Variants in RBFOX1 observed in about 807,000 individuals in gnomAD.
The protein encoded by RBFOX1 is RNA binding protein fox-1 homolog 1.
In RBFOX1, 8 loss-of-function variants were observed where a neutral mutation model predicts 57.7. That is an observed-to-expected ratio of 0.14 (90% CI 0.08 to 0.25). The LOEUF is 0.25. Ranked by LOEUF, RBFOX1 falls within the 10% of genes least tolerant of loss-of-function variation. The probability of loss-of-function intolerance (pLI) is 1.00; values close to 1 mark genes in which losing one functional copy is unlikely to be tolerated. For missense variants in RBFOX1, 611 were observed against 548.5 expected, an observed-to-expected ratio of 1.11 and a Z score of -1.14; for synonymous variants, 326 against 222.4, an observed-to-expected ratio of 1.47 and a Z score of -4.15.
At chr16:5,304,674 C>G (rs951196506) in intron 1 of RBFOX1, among the ~76,000 whole-genome samples, 4 of 152,142 alleles carry the variant, frequency 2.6e-5, no homozygotes, top group Admixed American at 2.0e-4. Context: ...GTTCATAGAG[C>G]TCATGGGCTA....
At chr16:5,651,500 C>T (rs1596592589) in intron 3 of RBFOX1, among the ~76,000 whole-genome samples, 2 of 152,284 alleles carry the variant, frequency 1.3e-5, no homozygotes, top group South Asian at 4.2e-4. Context: ...GACCAAAGCA[C>T]AGGTTGCCTT....
At chr16:5,497,955 G>A (rs527340252) in intron 2 of RBFOX1, among the ~76,000 whole-genome samples, 1 of 152,086 alleles carries the variant, frequency 6.6e-6, no homozygotes, top group African/African-American at 2.4e-5. Context: ...AGAGATGGGG[G>A]AAAGAAAATT....
chr16:6,834,975 C>G (rs1242075024), intron 3 of RBFOX1, among the ~76,000 whole-genome samples: 1 of 148,908 alleles, frequency 6.7e-6, no homozygotes, highest in Admixed American at 6.8e-5. Context: ...TCACTGTAAG[C>G]TTCATCTCCC....
At chr16:6,517,094 C>T (rs892989075) in intron 2 of RBFOX1, among the ~76,000 whole-genome samples, 2 of 152,148 alleles carry the variant, frequency 1.3e-5, no homozygotes, top group Non-Finnish European at 1.5e-5. Flanking sequence ...AAGGTTGTGA[C>T]ACAGGATGAC....
intron 1 of RBFOX1, among the ~76,000 whole-genome samples, chr16:6,204,682 G>A (rs1388122446): frequency 6.6e-6 from 1 of 152,132 alleles, no homozygotes; most frequent in African/African-American, 2.4e-5. Context: ...GTAAAGAAAA[G>A]CTGATCAAAT....
At chr16:5,858,173 C>G (rs535629633) in intron 3 of RBFOX1, among the ~76,000 whole-genome samples, 1 of 152,182 alleles carries the variant, frequency 6.6e-6, no homozygotes, top group African/African-American at 2.4e-5. Context: ...CAGAAAGTAA[C>G]CAGGGGCTCT....
Position 7,569,922 on chromosome 16 carries a change from A to T in RBFOX1, c.271-9855A>T, listed in dbSNP as rs182864272. Among the ~76,000 whole-genome samples, 3 of 150,598 alleles carry T rather than the reference A, an allele frequency of 2.0e-5. No individual in the cohort carries two copies. In the East Asian group the frequency reaches 5.8e-4, roughly 29 times the overall value. On this transcript the variant is annotated intron_variant, in intron 5 of 15. Coordinates refer to ENST00000550418, the MANE Select transcript of RBFOX1 (RefSeq NM_018723.4). The stretch of plus-strand genomic sequence containing the variant: ...TTGATTTAACTTCAATTTGAATGTA[A>T]GTACTGATACTTGATTGTTATTAGT...
At chr16:7,086,152 A>T (rs532546872) in intron 4 of RBFOX1, among the ~76,000 whole-genome samples, 2 of 152,292 alleles carry the variant, frequency 1.3e-5, no homozygotes, top group African/African-American at 4.8e-5. Flanking sequence ...CTATTTTAAC[A>T]GGTTACTCGC....
At chr16:5,905,884 T>C (rs1199840292) in intron 4 of RBFOX1, among the ~76,000 whole-genome samples, 1 of 152,174 alleles carries the variant, frequency 6.6e-6, no homozygotes, top group Non-Finnish European at 1.5e-5. Context: ...AATTTCCCTC[T>C]TTAGAATTCA....
intron 4 of RBFOX1, among the ~76,000 whole-genome samples, chr16:5,997,516 G>A (rs2060511767): frequency 6.6e-6 from 1 of 152,208 alleles, no homozygotes; most frequent in South Asian, 2.1e-4. Context: ...GCACACACCT[G>A]TACTTTATCT....
chr16:7,688,558 G>C (rs371346440), intron 14 of RBFOX1, among the ~76,000 whole-genome samples: 14 of 151,984 alleles, frequency 9.2e-5, no homozygotes, highest in African/African-American at 3.4e-4. Context: ...TTAACTCTGA[G>C]AATTCAGCTG....
chr16:5,974,302 A>G (rs2060019005), intron 4 of RBFOX1, among the ~76,000 whole-genome samples: 1 of 152,192 alleles, frequency 6.6e-6, no homozygotes, highest in Non-Finnish European at 1.5e-5. Flanking sequence ...CAAAGAGAGA[A>G]ACATACCTGA....
At chr16:5,729,407 T>C (rs1448702242) in intron 3 of RBFOX1, among the ~76,000 whole-genome samples, 3 of 150,486 alleles carry the variant, frequency 2.0e-5, no homozygotes, top group Admixed American at 6.6e-5. Context: ...TTTTTTTTTT[T>C]TTTTTTTTGC....
chr16:7,275,474 T>C (rs1408663724), intron 4 of RBFOX1, among the ~76,000 whole-genome samples: 2 of 152,230 alleles, frequency 1.3e-5, no homozygotes, highest in African/African-American at 2.4e-5. Context: ...GATTTTCTTA[T>C]ATATAAATTT....
At chr16:5,448,705 C>A (rs1159170182) in intron 1 of RBFOX1, among the ~76,000 whole-genome samples, 1 of 152,160 alleles carries the variant, frequency 6.6e-6, no homozygotes, top group East Asian at 1.9e-4. Context: ...ATACACCCAC[C>A]CCTAAATGAC....
At chr16:6,426,689 G>A (rs943537750) in intron 2 of RBFOX1, among the ~76,000 whole-genome samples, 1 of 152,134 alleles carries the variant, frequency 6.6e-6, no homozygotes, top group Non-Finnish European at 1.5e-5. Flanking sequence ...CCGGCAGAGA[G>A]GCCCCTATAC....
At chr16:6,966,544 G>A (rs1019392829) in intron 3 of RBFOX1, among the ~76,000 whole-genome samples, 7 of 152,074 alleles carry the variant, frequency 4.6e-5, no homozygotes, top group African/African-American at 7.2e-5. Context: ...GATGGATCGA[G>A]TTATGCAATG....
intron 4 of RBFOX1, among the ~76,000 whole-genome samples, chr16:7,295,597 C>T (rs184946843): frequency 2.0e-5 from 3 of 152,058 alleles, no homozygotes; most frequent in East Asian, 3.9e-4. Flanking sequence ...ATAGCAGCTG[C>T]AAAGGTATGA....
At chr16:7,037,431 C>G (rs1192571715) in intron 3 of RBFOX1, among the ~76,000 whole-genome samples, 2 of 151,802 alleles carry the variant, frequency 1.3e-5, no homozygotes, top group Admixed American at 6.6e-5. Flanking sequence ...TACCCAGCCC[C>G]TATTCAAGAT....
Sources: allele counts gnomAD v4.1 joint callset (sites outside exome capture counted in the v4.1 genomes callset), GRCh38; gene constraint gnomAD v4.1.1; transcripts MANE v1.5; gene names NCBI Gene and HGNC (gene_info 2026-07-23, HGNC 2026-07-21).